Variants in WDR25 observed in about 807,000 individuals in gnomAD.
WDR25 encodes WD repeat domain 25.
A neutral mutation model predicts 47.7 loss-of-function variants in WDR25; 35 were observed. The observed-to-expected ratio is 0.73, with a 90% CI of 0.56 to 0.97. The LOEUF is 0.97. Ranked by LOEUF, WDR25 falls within the 50% of genes least tolerant of loss-of-function variation. The pLI is 0.00. For missense variants in WDR25, 634 were observed against 704.7 expected (o/e 0.90, Z 1.14); for synonymous variants, 248 against 278.9 (o/e 0.89, Z 1.10).
intron 2 of WDR25, among the ~76,000 whole-genome samples, chr14:100,426,491 T>C (rs1473590826): frequency 6.6e-6 from 1 of 152,236 alleles, no homozygotes; most frequent in Non-Finnish European, 1.5e-5. Flanking sequence ...TGCAGAGCTG[T>C]CAAAAGTCAA....
At chr14:100,509,233 C>CA (rs1052880551) in intron 4 of WDR25, among the ~76,000 whole-genome samples, 6 of 152,110 alleles carry the variant, frequency 3.9e-5, no homozygotes, top group South Asian at 2.1e-4. Flanking sequence ...TATTGAATCA[C>CA]AAAAAAAATT....
intron 2 of WDR25, among the ~76,000 whole-genome samples, chr14:100,462,610 G>A (rs1899452025): frequency 1.3e-5 from 2 of 152,210 alleles, no homozygotes; most frequent in African/African-American, 2.4e-5. Flanking sequence ...CTTGTCAGAC[G>A]ATTTACAGAT....
Position 100,526,174 on chromosome 14 carries a change from T to TC in WDR25, c.1272+135dup, listed in dbSNP as rs1595089860. 25 of 1,133,098 alleles carry TC rather than the reference T, an allele frequency of 2.2e-5. No individual in the cohort carries two copies. The East Asian group carries it at 6.4e-4, about 29-fold the overall frequency. The allele number at this position is 1,133,098 out of a possible 1,614,324, so 70.2% of individuals were successfully genotyped here. A position where few individuals can be genotyped will look rare whatever the true frequency, so the allele number is the denominator to read the frequency against. ...ACTGAAATCTCCAGGATGAGGGTAG[T>TC]CAGGTCTCAGCCTGCCGCACACATG... On this transcript the variant is annotated intron_variant, in intron 5 of 6. Transcript: ENST00000402312.
In WDR25 at chr14:100,529,294, G is replaced by A. The variant is rs1489247837; in HGVS notation, c.1413+86G>A. On this transcript the variant is annotated intron_variant, in intron 6 of 6. Transcript: ENST00000402312. This position sits in a 1 kb window ranked among gnomAD's most constrained non-coding sequence, Gnocchi z 5.1. ...CCTGGACATGGGCCCTGGGGTGCAT[G>A]GAGCCTCTGTCTGGGTGGATCCTGC... The A allele has an allele frequency of 1.9e-6, 3 of 1,576,210 alleles. No homozygotes were observed. In the South Asian group the frequency reaches 3.4e-5, roughly 18 times the overall value.
At chr14:100,420,043 C>T (rs1281162450) in intron 2 of WDR25, among the ~76,000 whole-genome samples, 1 of 152,246 alleles carries the variant, frequency 6.6e-6, no homozygotes. Context: ...CAGGGCCCAC[C>T]TGGTGGTCAG....
At chr14:100,376,516 G>C in intron 1 of WDR25, 21 bp downstream of exon 1, 1 of 1,231,902 alleles carries the variant, frequency 8.1e-7, no homozygotes, top group Non-Finnish European at 1.0e-6. Flanking sequence ...TGAGCGGCGG[G>C]CCCCGGGCTG....
At chr14:100,389,163 G>A (rs1249327578) in intron 2 of WDR25, among the ~76,000 whole-genome samples, 2 of 152,052 alleles carry the variant, frequency 1.3e-5, no homozygotes, top group Admixed American at 1.3e-4. Context: ...AAAATTTTGG[G>A]AAAAAATGCA....
chr14:100,386,792 C>A (rs911300037), intron 2 of WDR25, among the ~76,000 whole-genome samples: 1 of 152,092 alleles, frequency 6.6e-6, no homozygotes, highest in Non-Finnish European at 1.5e-5. Flanking sequence ...GCTCGGGAGG[C>A]TGAGGCAGGA....
chr14:100,419,725 G>A (rs1897973513), intron 2 of WDR25, among the ~76,000 whole-genome samples: 1 of 152,152 alleles, frequency 6.6e-6, no homozygotes, highest in Non-Finnish European at 1.5e-5. Flanking sequence ...AAGATCACAG[G>A]TAGGAAGGTG....
chr14:100,431,786 T>G (rs1284176263), intron 2 of WDR25, among the ~76,000 whole-genome samples: 2 of 151,956 alleles, frequency 1.3e-5, no homozygotes, highest in African/African-American at 4.8e-5. Context: ...CTCGGCTCAC[T>G]GCAACCTCTG....
intron 2 of WDR25, among the ~76,000 whole-genome samples, chr14:100,414,566 G>A (rs1897814656): frequency 6.6e-6 from 1 of 151,702 alleles, no homozygotes; most frequent in Non-Finnish European, 1.5e-5. Context: ...GCCCGCCTTG[G>A]CCTCCCAAAG....
chr14:100,435,963 G>A lies in WDR25; in HGVS notation c.823-32058G>A, dbSNP rs1004482250. On this transcript the variant is annotated intron_variant, in intron 2 of 6. Transcript: ENST00000402312. ...GGGAGTGTAGCTGCTGGCCAGCACC[G>A]TGGAAGAGTTGACTCTGAGCAAATC... 4.6e-5 allele frequency among the ~76,000 whole-genome samples: 7 copies of A among 152,272 alleles called. No homozygotes were observed. The South Asian group carries it at 6.2e-4, about 14-fold the overall frequency.
At chr14:100,436,795 G>A (rs865818676) in intron 2 of WDR25, among the ~76,000 whole-genome samples, 3 of 152,202 alleles carry the variant, frequency 2.0e-5, no homozygotes, top group Non-Finnish European at 4.4e-5. Context: ...AGAAGAGAGC[G>A]TCTCTTCGCT....
At chr14:100,496,245 C>A (rs1219608245) in intron 4 of WDR25, among the ~76,000 whole-genome samples, 2 of 152,134 alleles carry the variant, frequency 1.3e-5, no homozygotes, top group Non-Finnish European at 2.9e-5. Flanking sequence ...TAGTTGCATG[C>A]CTCAAAGAAT....
intron 2 of WDR25, among the ~76,000 whole-genome samples, chr14:100,400,163 C>T (rs1897343847): frequency 1.3e-5 from 2 of 152,226 alleles, no homozygotes; most frequent in African/African-American, 4.8e-5. Flanking sequence ...ATTTCCTCCT[C>T]TGGAGGAGTG....
intron 4 of WDR25, among the ~76,000 whole-genome samples, chr14:100,521,907 A>G (rs1239195971): frequency 6.6e-6 from 1 of 151,896 alleles, no homozygotes; most frequent in African/African-American, 2.4e-5. Context: ...GATACCTAAC[A>G]CCCCCAGAGC....
chr14:100,483,920 G>A, intron 3 of WDR25, 74 bp from the exon 4 acceptor site: 1 of 1,513,144 alleles, frequency 6.6e-7, no homozygotes, highest in Non-Finnish European at 8.9e-7. Context: ...CATACCAGAT[G>A]GCATCTTAGT....
chr14:100,436,667 G>A (rs1898509341), intron 2 of WDR25, among the ~76,000 whole-genome samples: 2 of 152,190 alleles, frequency 1.3e-5, no homozygotes, highest in African/African-American at 4.8e-5. Context: ...TCTGCACACT[G>A]GGGACAAGTG....
At chr14:100,521,041 T>C (rs2029871047) in intron 4 of WDR25, among the ~76,000 whole-genome samples, 1 of 152,218 alleles carries the variant, frequency 6.6e-6, no homozygotes, top group Admixed American at 6.5e-5. Flanking sequence ...AAAATGTGTA[T>C]ATGAGTCCAG....
Sources: gnomAD v4.1 joint callset for allele counts (sites outside exome capture counted in the v4.1 genomes callset) on GRCh38, gnomAD v4.1.1 for gene constraint, Gnocchi (gnomAD v3.1) non-coding constraint, MANE v1.5 for transcripts, NCBI Gene and HGNC (gene_info 2026-07-23, HGNC 2026-07-21) for gene names.